Variants in PFAS observed in about 807,000 individuals in gnomAD.
PFAS encodes FGAM synthase.
PFAS carries 97 observed loss-of-function variants against 140.6 expected under a neutral mutation model. That is an observed-to-expected ratio of 0.69 (90% CI 0.59 to 0.82). PFAS has a LOEUF of 0.82. Among genes scored for constraint, PFAS ranks in the 40% least tolerant of loss-of-function variants. The pLI is 0.00. For missense variants in PFAS, 1,656 were observed against 1,780.2 expected, an observed-to-expected ratio of 0.93 and a Z score of 1.26; for synonymous variants, 679 against 718.8, an observed-to-expected ratio of 0.94 and a Z score of 0.88.
intron 15 of PFAS, 129 bp downstream of exon 15, chr17:8,264,065 G>A: frequency 6.9e-7 from 1 of 1,452,066 alleles, no homozygotes; most frequent in East Asian, 2.3e-5. Context: ...ACAAGCTGTG[G>A]GGAATGTTGG....
In PFAS at chr17:8,265,602, C is replaced by A; in HGVS notation, c.2508C>A (p.Ala836=). 1 of 1,613,952 alleles carries A rather than the reference C, an allele frequency of 6.2e-7. No individual in the cohort carries two copies. The highest frequency in any genetic ancestry group is 8.5e-7 in the Non-Finnish European group (1 of 1,179,822). ...ATGCCGTCTGCCCAGACATCACAGC[C>A]ACTGTGACCCCAGACCTCAAGCATC... ...SAYAVCPDIT[A]TVTPDLKHPE... is the part of the protein sequence containing the mutation. The change falls in exon 20 of 28, where the codon GCC becomes GCA. Residue 836 remains alanine, a synonymous_variant. Coordinates refer to ENST00000314666, the MANE Select transcript of PFAS (RefSeq NM_012393.3).
chr17:8,256,120 G>T, intron 6 of PFAS, 147 bp from the exon 7 acceptor site: 5 of 905,710 alleles, frequency 5.5e-6, no homozygotes, highest in Non-Finnish European at 8.3e-6. Context: ...AATACTTGAA[G>T]ATTATGACTT....
chr17:8,258,550 G>C (rs973328960), intron 11 of PFAS, among the ~76,000 whole-genome samples: 1 of 152,106 alleles, frequency 6.6e-6, no homozygotes, highest in African/African-American at 2.4e-5. Flanking sequence ...ATGCAATCAA[G>C]ACGTGGTGGG....
chr17:8,264,700 C>T, intron 17 of PFAS, 99 bp downstream of exon 17: 1 of 1,354,638 alleles, frequency 7.4e-7, no homozygotes, highest in African/African-American at 1.5e-5. Context: ...TTTTGCCTGG[C>T]CCTGCAGGAA....
Position 8,267,107 on chromosome 17 carries a change from T to C in PFAS, c.3047T>C (p.Phe1016Ser). Residue 1016 changes from phenylalanine (F) to serine (S), a missense_variant, in exon 24 of 28, where the codon TTC (phenylalanine) becomes TCC (serine). Coordinates refer to ENST00000314666, the MANE Select transcript of PFAS (RefSeq NM_012393.3). This position sits in a 1 kb window ranked among gnomAD's most constrained non-coding sequence, Gnocchi z 4.9. ...ELRALWEETS[F>S]QLDRLQAEPR... ...CGAGCCCTCTGGGAGGAGACGAGTT[T>C]CCAGCTGGACCGGCTACAGGCAGAG... 6.2e-7 allele frequency: 1 copy of C among 1,613,794 alleles called. No homozygotes were observed. The highest frequency in any genetic ancestry group is 8.5e-7 in the Non-Finnish European group (1 of 1,179,916).
In PFAS at chr17:8,264,457, G is replaced by A. The variant is rs955211670; in HGVS notation, c.1918-13G>A. 10 of 1,613,416 alleles carry A rather than the reference G, an allele frequency of 6.2e-6. No individual in the cohort carries two copies. Among genetic ancestry groups the A allele is most frequent in the Non-Finnish European group, 8.5e-6 (10 of 1,179,876 alleles). ...CCAGGTGTTCACACTGCCTGTCGCT[G>A]TCTGTGTTGCAGGAGTTCTTCCTGC... On this transcript the variant is annotated splice_polypyrimidine_tract_variant and intron_variant, in intron 16 of 27. Transcript: ENST00000314666.
chr17:8,270,088 G>A lies in PFAS; in HGVS notation c.*824G>A, dbSNP rs1989965614. 1 of 152,082 alleles carries A rather than the reference G, an allele frequency of 6.6e-6. No individual in the cohort carries two copies. Among genetic ancestry groups the A allele is most frequent in the South Asian group, 2.1e-4 (1 of 4,832 alleles). The allele number at this position is 152,082 out of a possible 1,614,324, so 9.4% of individuals were successfully genotyped here. On this transcript the variant is annotated 3_prime_UTR_variant, in exon 28 of 28. Coordinates refer to ENST00000314666, the MANE Select transcript of PFAS (RefSeq NM_012393.3). Reference sequence around the variant, plus strand: ...AGATAGGGTTTCACCATGTCTCCCAGGCTGGTCTCAAACTCCTAACCTCAA... The same window carrying A: ...AGATAGGGTTTCACCATGTCTCCCAAGCTGGTCTCAAACTCCTAACCTCAA...
In PFAS at chr17:8,264,517, G is replaced by C. The variant is rs201645249; in HGVS notation, c.1965G>C (p.Leu655Phe). 5.8e-5 allele frequency: 93 copies of C among 1,613,642 alleles called. No homozygotes were observed. The African/African-American group carries it at 1.1e-3, about 19-fold the overall frequency. Residue 655 changes from leucine (L) to phenylalanine (F), a missense_variant, in exon 17 of 28, where the codon TTG (leucine) becomes TTC (phenylalanine). Around this residue, in one of 2 missense-constraint regions of PFAS, gnomAD observed 883 missense variants for 1,023.0 expected, o/e 0.86. Transcript: ENST00000314666. ...RKPPMLQPLA[L>F]PPGLSVHQAL... Reference sequence around the variant, plus strand: ...CCCCCATGCTGCAGCCTCTGGCCTTGCCCCCAGGGCTGAGCGTGCACCAGG... The same window carrying C: ...CCCCCATGCTGCAGCCTCTGGCCTTCCCCCCAGGGCTGAGCGTGCACCAGG...
chr17:8,264,405 C>G (rs1597427046), intron 16 of PFAS, 65 bp from the exon 17 acceptor site: 1 of 1,612,002 alleles, frequency 6.2e-7, no homozygotes, highest in Non-Finnish European at 8.5e-7. Flanking sequence ...CCTACGTGCA[C>G]TTTGTCGCCT....
chr17:8,247,826 A>T, upstream of PFAS: 1 of 635,824 alleles, frequency 1.6e-6, no homozygotes, highest in Non-Finnish European at 2.8e-6. Flanking sequence ...CGCGTGAATG[A>T]GGGAATAAAC....
At chr17:8,257,107 A>G in intron 9 of PFAS, 144 bp downstream of exon 9, 1 of 868,700 alleles carries the variant, frequency 1.2e-6, no homozygotes, top group East Asian at 2.5e-5. Flanking sequence ...GCCTTTCACT[A>G]ACTATGGTCA....
rs756963014 is a variant in PFAS at position 8,264,525 on chromosome 17, G to C, written c.1973G>C (p.Gly658Ala). 2 of 1,613,708 alleles carry C rather than the reference G, an allele frequency of 1.2e-6. No homozygotes were observed. Among genetic ancestry groups the C allele is most frequent in the Non-Finnish European group, 1.7e-6 (2 of 1,179,856 alleles). Residue 658 changes from glycine to alanine, a missense_variant, in exon 17 of 28, where the codon GGG becomes GCG. Coordinates refer to ENST00000314666, the MANE Select transcript of PFAS (RefSeq NM_012393.3). ...CTGCAGCCTCTGGCCTTGCCCCCAG[G>C]GCTGAGCGTGCACCAGGCTCTGGAG... ...PMLQPLALPP[G>A]LSVHQALERV...
Position 8,267,322 on chromosome 17 carries a change from T to TG in PFAS, c.3176-46dup, listed in dbSNP as rs1414813763. 2 of 1,597,518 alleles carry TG rather than the reference T, an allele frequency of 1.3e-6. No individual in the cohort carries two copies. The highest frequency in any genetic ancestry group is 8.6e-7 in the Non-Finnish European group (1 of 1,165,688). ...GCCCTCAGAAAGGTGTCTGGGGAGT[T>TG]GGGGTGGGGAAGTGACTTTCTGGCC... On this transcript the variant is annotated intron_variant, in intron 24 of 27. Coordinates refer to ENST00000314666, the MANE Select transcript of PFAS (RefSeq NM_012393.3). This position sits in a 1 kb window ranked among gnomAD's most constrained non-coding sequence, Gnocchi z 4.9.
intron 15 of PFAS, 107 bp from the exon 16 acceptor site, chr17:8,264,105 A>C: frequency 6.5e-7 from 1 of 1,529,890 alleles, no homozygotes; most frequent in Non-Finnish European, 9.0e-7. Flanking sequence ...CTCAATATGG[A>C]AACCAAACAA....
chr17:8,263,337 T>A (rs1337670501), intron 13 of PFAS, 72 bp downstream of exon 13: 2 of 1,521,698 alleles, frequency 1.3e-6, no homozygotes, highest in Non-Finnish European at 1.8e-6. Flanking sequence ...GGGAGAGGTA[T>A]CAGGAATCTC....
In PFAS at chr17:8,263,103, C is replaced by T; in HGVS notation, c.1411-6C>T. 6.2e-7 allele frequency: 1 copy of T among 1,613,776 alleles called. No homozygotes were observed. Among genetic ancestry groups the T allele is most frequent in the Non-Finnish European group, 8.5e-7 (1 of 1,179,698 alleles). On this transcript the variant is annotated splice_polypyrimidine_tract_variant and splice_region_variant and intron_variant, in intron 12 of 27. Transcript: ENST00000314666. ...CTGAGCTGAGCTATGCCATATATGC[C>T]CCCAGGTGCAGGGAGATAACACCAG...
Position 8,257,939 on chromosome 17 carries a change from G to C in PFAS, c.1207+1G>C. ...AAGTTTGGGGAACCAGTGCTGGCTG[G>C]TGAGGCTGGGGTGTGGAGGGATGAC... On this transcript the variant is annotated splice_donor_variant, in intron 10 of 27. Transcript: ENST00000314666. LOFTEE classifies it high-confidence loss of function. 2 of 1,614,180 alleles carry C rather than the reference G, an allele frequency of 1.2e-6. No homozygotes were observed. The highest frequency in any genetic ancestry group is 1.7e-6 in the Non-Finnish European group (2 of 1,180,000).
chr17:8,263,602 C>T lies in PFAS; in HGVS notation c.1595C>T (p.Pro532Leu). 1.2e-6 allele frequency: 2 copies of T among 1,614,142 alleles called. No individual in the cohort carries two copies. Among genetic ancestry groups the T allele is most frequent in the Non-Finnish European group, 8.5e-7 (1 of 1,179,978 alleles). Residue 532 changes from proline (P) to leucine (L), a missense_variant, in exon 14 of 28, where the codon CCA becomes CTA. By Grantham distance (98) the Pro-to-Leu change is moderately conservative (BLOSUM62 -3). Around this residue, in one of 2 missense-constraint regions of PFAS, gnomAD observed 773 missense variants for 757.3 expected, o/e 1.02. Coordinates refer to ENST00000314666, the MANE Select transcript of PFAS (RefSeq NM_012393.3). Reference protein sequence around the residue: ...NGNVLKELSDPAGAIIYTSRF... With the variant: ...NGNVLKELSDLAGAIIYTSRF... ...AATGTCCTAAAAGAGCTGAGTGACCCAGCTGGAGCCATCATTTACACCAGC... is the reference window on the plus strand; with the variant it reads ...AATGTCCTAAAAGAGCTGAGTGACCTAGCTGGAGCCATCATTTACACCAGC...
rs1190780872 is a variant in PFAS, at chr17:8,253,762, C to T, written c.-79-97C>T. ...CTATGTTGGCCGGGCTGATCTCCAA[C>T]TCCTGACCTCAGGCAATCCACCTGC... is the stretch of plus-strand genomic sequence containing the variant. On this transcript the variant is annotated intron_variant, in intron 1 of 27. Coordinates refer to ENST00000314666, the MANE Select transcript of PFAS (RefSeq NM_012393.3). The T allele has an allele frequency of 3.7e-6, 3 of 806,386 alleles. No homozygotes were observed. In the African/African-American group the frequency reaches 5.2e-5, roughly 14 times the overall value. 50.0% of individuals were successfully genotyped at this position (806,386 alleles called of 1,614,324 possible).
Sources: allele counts gnomAD v4.1 joint callset (sites outside exome capture counted in the v4.1 genomes callset), GRCh38; gene constraint gnomAD v4.1.1; regional missense constraint gnomAD v4.1.1; non-coding constraint Gnocchi (gnomAD v3.1); transcripts MANE v1.5; gene names NCBI Gene and HGNC (gene_info 2026-07-23, HGNC 2026-07-21).